Variants in GALNTL6 observed in about 807,000 individuals in gnomAD.
GALNTL6 encodes polypeptide N-acetylgalactosaminyltransferase-like 6.
A neutral mutation model predicts 73.7 loss-of-function variants in GALNTL6; 46 were observed. The ratio of observed to expected loss-of-function variants is 0.62; its 90% CI spans 0.49 to 0.80. The LOEUF is 0.80. Ranked by LOEUF, GALNTL6 falls within the 30% of genes least tolerant of loss-of-function variation. GALNTL6 has a pLI of 0.00. For synonymous variants in GALNTL6, 259 were observed against 263.7 expected, an observed-to-expected ratio of 0.98 and a Z score of 0.17; for missense variants, 604 against 755.0, an observed-to-expected ratio of 0.80 and a Z score of 2.34.
chr4:173,018,417 A>G (rs985544258), intron 11 of GALNTL6, among the ~76,000 whole-genome samples: 2 of 152,192 alleles, frequency 1.3e-5, no homozygotes, highest in African/African-American at 4.8e-5. Context: ...TTATTTATTC[A>G]ATAGAAATTT....
At chr4:171,960,823 C>G (rs575109988) in intron 2 of GALNTL6, among the ~76,000 whole-genome samples, 1 of 151,638 alleles carries the variant, frequency 6.6e-6, no homozygotes, top group South Asian at 2.1e-4. Context: ...ATGGGAGCAC[C>G]TAAGGTCTAG....
chr4:172,965,867 CT>C (rs1412995336), intron 10 of GALNTL6, among the ~76,000 whole-genome samples: 13 of 151,962 alleles, frequency 8.6e-5, no homozygotes, highest in Non-Finnish European at 1.8e-4. Context: ...TAAATATATA[CT>C]TTTTTGGATT....
intron 3 of GALNTL6, among the ~76,000 whole-genome samples, chr4:172,237,874 T>C (rs1159590770): frequency 6.6e-6 from 1 of 152,178 alleles, no homozygotes; most frequent in African/African-American, 2.4e-5. Flanking sequence ...TTTTGTCAGC[T>C]TTGTCAAAGA....
At chr4:173,007,758 A>G (rs1396937939) in intron 10 of GALNTL6, among the ~76,000 whole-genome samples, 1 of 151,996 alleles carries the variant, frequency 6.6e-6, no homozygotes, top group Admixed American at 6.6e-5. Flanking sequence ...GTGAGCCGAG[A>G]TTGCGCCACT....
intron 5 of GALNTL6, among the ~76,000 whole-genome samples, chr4:172,755,425 A>G (rs1163798417): frequency 6.6e-6 from 1 of 152,138 alleles, no homozygotes; most frequent in Non-Finnish European, 1.5e-5. Flanking sequence ...AGTAAAAATG[A>G]TGATGTATCA....
At chr4:172,587,977 T>C (rs1452550609) in intron 5 of GALNTL6, among the ~76,000 whole-genome samples, 1 of 152,196 alleles carries the variant, frequency 6.6e-6, no homozygotes, top group African/African-American at 2.4e-5. Context: ...TTCATTTCAT[T>C]TTGCCCATAG....
At chr4:171,885,465 C>T (rs1736582412) in intron 2 of GALNTL6, among the ~76,000 whole-genome samples, 1 of 152,038 alleles carries the variant, frequency 6.6e-6, no homozygotes, top group Admixed American at 6.5e-5. Context: ...GGCTAAATTT[C>T]CCATAAGTAT....
intron 5 of GALNTL6, among the ~76,000 whole-genome samples, chr4:172,694,010 T>G (rs1284336661): frequency 6.6e-6 from 1 of 152,206 alleles, no homozygotes; most frequent in Admixed American, 6.5e-5. Flanking sequence ...CATTTAACAA[T>G]TCCTCTGGGA....
At chr4:172,868,852 C>T (rs905990694) in intron 7 of GALNTL6, among the ~76,000 whole-genome samples, 2 of 152,158 alleles carry the variant, frequency 1.3e-5, no homozygotes, top group African/African-American at 2.4e-5. Context: ...TTCCTTTTCA[C>T]TTTTCTTTCC....
At chr4:173,010,387 C>T (rs181705834) in intron 11 of GALNTL6, among the ~76,000 whole-genome samples, 10 of 152,190 alleles carry the variant, frequency 6.6e-5, no homozygotes, top group Admixed American at 6.5e-4. Flanking sequence ...TGCATAGGTA[C>T]CACATTTTCT....
At chr4:171,926,143 C>T (rs532320241) in intron 2 of GALNTL6, among the ~76,000 whole-genome samples, 2 of 152,064 alleles carry the variant, frequency 1.3e-5, no homozygotes, top group South Asian at 4.2e-4. Flanking sequence ...TCCTCAATTC[C>T]TCAATTAAAT....
chr4:172,524,373 C>T (rs533581082), intron 5 of GALNTL6, among the ~76,000 whole-genome samples: 17 of 152,020 alleles, frequency 1.1e-4, no homozygotes, highest in Non-Finnish European at 1.8e-4. Flanking sequence ...TTCAGCCTCC[C>T]GAGTAGCTGG....
intron 10 of GALNTL6, among the ~76,000 whole-genome samples, chr4:172,995,150 A>T (rs1229261081): frequency 6.6e-6 from 1 of 152,212 alleles, no homozygotes; most frequent in Non-Finnish European, 1.5e-5. Flanking sequence ...TTCATATATG[A>T]ATCCAACCAT....
At chr4:172,337,854 T>A (rs1439727320) in intron 4 of GALNTL6, among the ~76,000 whole-genome samples, 1 of 152,142 alleles carries the variant, frequency 6.6e-6, no homozygotes, top group East Asian at 1.9e-4. Context: ...CATTATTATC[T>A]CAAATATACT....
At chr4:172,275,820 G>T (rs1422295420) in intron 3 of GALNTL6, among the ~76,000 whole-genome samples, 1 of 152,058 alleles carries the variant, frequency 6.6e-6, no homozygotes, top group Non-Finnish European at 1.5e-5. Flanking sequence ...AGCCAGGTGT[G>T]GTGGTGCATA....
At chr4:172,064,612 A>T (rs1731303365) in intron 2 of GALNTL6, among the ~76,000 whole-genome samples, 1 of 152,202 alleles carries the variant, frequency 6.6e-6, no homozygotes, top group African/African-American at 2.4e-5. Context: ...TTGAAGGCCT[A>T]AACTCAAATG....
rs527280659 is a variant in GALNTL6 at position 172,771,001 on chromosome 4, T to G, written c.554-38360T>G. ...CACTATTTTTGCTGACTTTGTTGTA[T>G]TTTAAATAAAATTCTGCAGTTATCT... On this transcript the variant is annotated intron_variant, in intron 5 of 12. Transcript: ENST00000506823. 3.4e-3 allele frequency among the ~76,000 whole-genome samples: 512 copies of G among 152,322 alleles called. 9 individuals carry two copies. Among genetic ancestry groups the G allele is most frequent in the Admixed American group, 0.031 (479 of 15,282 alleles).
chr4:172,132,584 T>C (rs1308321235), intron 2 of GALNTL6, among the ~76,000 whole-genome samples: 9 of 152,140 alleles, frequency 5.9e-5, no homozygotes, highest in African/African-American at 9.6e-5. Flanking sequence ...TGTTTTTCTA[T>C]TCTCCCATGT....
intron 5 of GALNTL6, among the ~76,000 whole-genome samples, chr4:172,469,050 C>T (rs1732942178): frequency 6.6e-6 from 1 of 152,152 alleles, no homozygotes; most frequent in Admixed American, 6.5e-5. Flanking sequence ...CAAATGAGGA[C>T]TCTTCACCCA....
Sources: gnomAD v4.1 joint callset for allele counts (sites outside exome capture counted in the v4.1 genomes callset) on GRCh38, gnomAD v4.1.1 for gene constraint, MANE v1.5 for transcripts, NCBI Gene and HGNC (gene_info 2026-07-23, HGNC 2026-07-21) for gene names.